Variants in PPA1 observed in about 807,000 individuals in gnomAD.
PPA1 encodes the protein inorganic pyrophosphatase.
In PPA1, 23 loss-of-function variants were observed where a neutral mutation model predicts 41.8. The observed-to-expected ratio is 0.55, with a 90% CI of 0.40 to 0.78. PPA1 has a LOEUF of 0.78. PPA1 is among the 30% of genes least tolerant of loss of function. The pLI, the probability that PPA1 is intolerant of heterozygous loss-of-function variation, is 0.00. For synonymous variants in PPA1, 101 were observed against 116.8 expected (o/e 0.86, Z 0.87); for missense variants, 320 against 361.6 (o/e 0.89, Z 0.93).
rs187221706 is a variant in PPA1, at chr10:70,229,723, T to C, written c.123+618A>G. ...TCTGTGCTGGCTACCTGGTTTATTT[T>C]AGAACCAGTAATGAAGTATTACGAC... On this transcript the variant is annotated intron_variant, in intron 2 of 10. Coordinates refer to ENST00000373232, the MANE Select transcript of PPA1 (RefSeq NM_021129.4). Among the ~76,000 whole-genome samples the C allele has an allele frequency of 7.4e-4, 112 of 152,336 alleles. 1 individual carries two copies. Among genetic ancestry groups the C allele is most frequent in the Admixed American group, 1.6e-3 (25 of 15,300 alleles).
intron 10 of PPA1, 57 bp downstream of exon 10, chr10:70,204,816 T>C: frequency 7.4e-7 from 1 of 1,352,854 alleles, no homozygotes; most frequent in South Asian, 1.3e-5. Context: ...AAAAGTAACA[T>C]AATTTTTCCA....
intron 2 of PPA1, 152 bp downstream of exon 2, chr10:70,230,189 G>A (rs1366928235): frequency 5.7e-5 from 50 of 883,712 alleles, no homozygotes; most frequent in African/African-American, 1.9e-4. Flanking sequence ...GATTACAGGC[G>A]TGAGCCACCA....
Position 70,217,796 on chromosome 10 carries a change from T to C in PPA1, c.297+16A>G, listed in dbSNP as rs369307479. 8.6e-6 allele frequency: 13 copies of C among 1,517,226 alleles called. No homozygotes were observed. Among genetic ancestry groups the C allele is most frequent in the East Asian group, 2.3e-5 (1 of 43,298 alleles). 94.0% of individuals were successfully genotyped at this position (1,517,226 alleles called of 1,614,324 possible). A position where few individuals can be genotyped will look rare whatever the true frequency, so the allele number is the denominator to read the frequency against. Reference sequence around the variant, plus strand: ...AAGCTAAAAAGTACATTGTCAGCAGTTGCATGAAGACATACCTGAGGGATG... The same window carrying C: ...AAGCTAAAAAGTACATTGTCAGCAGCTGCATGAAGACATACCTGAGGGATG... On this transcript the variant is annotated intron_variant, in intron 4 of 10. Coordinates refer to ENST00000373232, the MANE Select transcript of PPA1 (RefSeq NM_021129.4).
In PPA1 at chr10:70,204,933, A is replaced by G; in HGVS notation, c.796-18T>C. On this transcript the variant is annotated intron_variant, in intron 9 of 10. Transcript: ENST00000373232. The stretch of plus-strand genomic sequence containing the variant: ...GGTGGTAACTAAAATATAAAATATT[A>G]AAATCTATTAGTCTAATCTCATTTT... 1 of 1,560,870 alleles carries G rather than the reference A, an allele frequency of 6.4e-7. No homozygotes were observed. Among genetic ancestry groups the G allele is most frequent in the Non-Finnish European group, 8.8e-7 (1 of 1,141,486 alleles).
intron 1 of PPA1, among the ~76,000 whole-genome samples, chr10:70,230,810 A>T (rs1840282516): frequency 6.6e-6 from 1 of 152,216 alleles, no homozygotes; most frequent in Non-Finnish European, 1.5e-5. Flanking sequence ...TTATTCTTAC[A>T]CTAGAAAAAC....
chr10:70,221,074 A>T (rs559073602), intron 2 of PPA1, among the ~76,000 whole-genome samples: 1,213 of 20,756 alleles, frequency 0.058, 112 homozygotes, highest in African/African-American at 0.12. Flanking sequence ...ATATATATAT[A>T]TATTTTTTTT....
chr10:70,218,065 T>C, intron 3 of PPA1, 134 bp from the exon 4 acceptor site: 4 of 810,772 alleles, frequency 4.9e-6, no homozygotes, highest in Non-Finnish European at 5.3e-6. Context: ...CTAACACTTT[T>C]ATAATTGAAC....
At chr10:70,212,741 C>A (rs1462772569) in intron 6 of PPA1, among the ~76,000 whole-genome samples, 1 of 149,762 alleles carries the variant, frequency 6.7e-6, no homozygotes, top group African/African-American at 2.5e-5. Flanking sequence ...GATGGCTGCA[C>A]AACCTTGTGA....
chr10:70,217,847 T>C lies in PPA1; in HGVS notation c.262A>G (p.Lys88Glu), dbSNP rs1840096278. 2 of 1,605,506 alleles carry C rather than the reference T, an allele frequency of 1.2e-6. No homozygotes were observed. The highest frequency in any genetic ancestry group is 1.7e-6 in the Non-Finnish European group (2 of 1,174,970). Residue 88 changes from lysine (K) to glutamate (E), a missense_variant, in exon 4 of 11, where the codon AAA (lysine) becomes GAA (glutamate). Physicochemically the swap from Lys to Glu is moderately conservative, Grantham distance 56. Transcript: ENST00000373232. ...LRYVANLFPY[K>E]GYIWNYGAIP... ...GCACCATAGTTCCAGATATATCCTT[T>C]ATACGGGAACAAATTCGCAACATAG...
chr10:70,203,310 C>T, intron 10 of PPA1, 124 bp from the exon 11 acceptor site: 1 of 850,208 alleles, frequency 1.2e-6, no homozygotes, highest in South Asian at 1.6e-5. Context: ...TGAAAATTAA[C>T]AGGCATACAT....
rs1416778933 is a variant in PPA1 at position 70,209,259 on chromosome 10, T to C, written c.671A>G (p.His224Arg). The C allele has an allele frequency of 6.2e-7, 1 of 1,601,256 alleles. No individual in the cohort carries two copies. Among genetic ancestry groups the C allele is most frequent in the Non-Finnish European group, 8.6e-7 (1 of 1,168,984 alleles). The change falls in exon 8 of 11, where the codon CAT (histidine) becomes CGT (arginine). Residue 224 changes from histidine (H) to arginine (R), a missense_variant. His to Arg is a conservative substitution (Grantham distance 29, BLOSUM62 0). Transcript: ENST00000373232. The stretch of plus-strand genomic sequence containing the variant: ...AGTCACTAATGCTTTCCAATGGTCA[T>C]GAGTGCTTTTAATAATATCAATGGC... Reference protein sequence around the residue: ...DFAIDIIKSTHDHWKALVTKK... With the variant: ...DFAIDIIKSTRDHWKALVTKK...
At chr10:70,214,446 G>T in intron 5 of PPA1, 54 bp downstream of exon 5, 1 of 1,371,924 alleles carries the variant, frequency 7.3e-7, no homozygotes, top group Non-Finnish European at 1.0e-6. Flanking sequence ...TATGAAATTT[G>T]GTATACTTCA....
chr10:70,230,268 A>G, intron 2 of PPA1, 73 bp downstream of exon 2: 1 of 1,524,144 alleles, frequency 6.6e-7, no homozygotes, highest in Non-Finnish European at 9.0e-7. Flanking sequence ...GTTGAGAGAC[A>G]TATAAGAAAA....
At chr10:70,216,958 G>T (rs923139435) in intron 4 of PPA1, among the ~76,000 whole-genome samples, 8 of 152,094 alleles carry the variant, frequency 5.3e-5, no homozygotes, top group African/African-American at 1.2e-4. Context: ...TCACAGGTCA[G>T]GAGATCGAGA....
At chr10:70,210,909 G>A (rs1840010725) in intron 6 of PPA1, among the ~76,000 whole-genome samples, 2 of 151,994 alleles carry the variant, frequency 1.3e-5, no homozygotes, top group African/African-American at 4.8e-5. Flanking sequence ...GGGACTACAG[G>A]TGCCCACCAC....
In PPA1 at chr10:70,210,397, G is replaced by A. The variant is rs1403099039; in HGVS notation, c.512-712C>T. 1.2e-5 allele frequency: 16 copies of A among 1,365,436 alleles called. 1 individual carries two copies. The South Asian group carries it at 1.8e-4, about 16-fold the overall frequency. The allele number at this position is 1,365,436 out of a possible 1,614,324, so 84.6% of individuals were successfully genotyped here. ...TGGTCCAGAGGCAGAGGCTATGTCA[G>A]AGGATCACAACACTATTACATACTA... On this transcript the variant is annotated intron_variant, in intron 6 of 10. Coordinates refer to ENST00000373232, the MANE Select transcript of PPA1 (RefSeq NM_021129.4).
rs1840158572 is a variant in PPA1 at position 70,221,067 on chromosome 10, TATA to T, written c.124-2253_124-2251del. On this transcript the variant is annotated intron_variant, in intron 2 of 10. Coordinates refer to ENST00000373232, the MANE Select transcript of PPA1 (RefSeq NM_021129.4). ...TATATATATATATAATTTATATATA[TATA>T]TATATATTTTTTTTTTTTTTTTTTT... Among the ~76,000 whole-genome samples, 5 of 16,534 alleles carry T rather than the reference TATA, an allele frequency of 3.0e-4. 1 individual carries two copies. Among genetic ancestry groups the T allele is most frequent in the South Asian group, 1.8e-3 (1 of 548 alleles). 10.8% of individuals were successfully genotyped at this position (16,534 alleles called of 152,430 possible).
intron 2 of PPA1, among the ~76,000 whole-genome samples, chr10:70,223,952 A>T (rs147728083): frequency 3.3e-5 from 5 of 152,318 alleles, no homozygotes; most frequent in Non-Finnish European, 7.4e-5. Context: ...CTCTGGCATC[A>T]GAGCTCTCAG....
Position 70,230,326 on chromosome 10 carries a change from A to C in PPA1, c.123+15T>G, listed in dbSNP as rs1414883979. The stretch of plus-strand genomic sequence containing the variant: ...CTGAGTAAAGAGACTGTGTCCAAAA[A>C]CAAGGATGCCTTACCTTATCTGCAT... On this transcript the variant is annotated intron_variant, in intron 2 of 10. Coordinates refer to ENST00000373232, the MANE Select transcript of PPA1 (RefSeq NM_021129.4). 5 of 1,612,480 alleles carry C rather than the reference A, an allele frequency of 3.1e-6. No individual in the cohort carries two copies. In the East Asian group the frequency reaches 8.9e-5, roughly 29 times the overall value.
Sources: allele counts gnomAD v4.1 joint callset (sites outside exome capture counted in the v4.1 genomes callset), GRCh38; gene constraint gnomAD v4.1.1; transcripts MANE v1.5; gene names NCBI Gene and HGNC (gene_info 2026-07-23, HGNC 2026-07-21).